EPHX4: variants seen among roughly 807,000 people sequenced by gnomAD.
EPHX4 encodes the protein epoxide hydrolase 4.
Under a neutral mutation model 44.9 loss-of-function variants are expected in EPHX4, and 31 were observed. The observed-to-expected ratio is 0.69, with a 90% CI of 0.52 to 0.93. EPHX4 has a LOEUF of 0.93. Among genes scored for constraint, EPHX4 ranks in the 40% least tolerant of loss-of-function variants. EPHX4 has a pLI of 0.00. For missense variants in EPHX4, 373 were observed against 438.1 expected, an observed-to-expected ratio of 0.85 and a Z score of 1.33; for synonymous variants, 151 against 159.7, an observed-to-expected ratio of 0.95 and a Z score of 0.41.
chr1:92,051,432 A>G (rs541236394), intron 5 of EPHX4, among the ~76,000 whole-genome samples: 5 of 152,084 alleles, frequency 3.3e-5, no homozygotes, highest in African/African-American at 7.2e-5. Flanking sequence ...AATGTATACT[A>G]GTGCCTTCTT....
Position 92,052,619 on chromosome 1 carries a change from C to A in EPHX4, c.818C>A (p.Ala273Glu). The A allele has an allele frequency of 6.2e-7, 1 of 1,611,570 alleles. No individual in the cohort carries two copies. ...ATTTATGTCTTTTCTCAGCCTGGAGCATTAAGTGGCCCAATTAACCATTAC... is the reference window on the plus strand; with the variant it reads ...ATTTATGTCTTTTCTCAGCCTGGAGAATTAAGTGGCCCAATTAACCATTAC... ...AYIYVFSQPGALSGPINHYRN... is the reference protein window; with the variant it reads ...AYIYVFSQPGELSGPINHYRN... Residue 273 changes from alanine to glutamate, a missense_variant, in exon 6 of 7, where the codon GCA becomes GAA. Transcript: ENST00000370383.
chr1:92,044,897 C>A (rs1436253865), intron 3 of EPHX4, among the ~76,000 whole-genome samples: 2 of 152,108 alleles, frequency 1.3e-5, no homozygotes, highest in African/African-American at 4.8e-5. Flanking sequence ...GTCCATGGGA[C>A]CAGAGCTGAG....
At chr1:92,034,179 A>C (rs1557881108) in intron 2 of EPHX4, among the ~76,000 whole-genome samples, 1 of 150,024 alleles carries the variant, frequency 6.7e-6, no homozygotes, top group Admixed American at 6.7e-5. Context: ...AGGCGCCTGT[A>C]CTCCCAGCTA....
In EPHX4 at chr1:92,063,270, CA is replaced by C. The variant is rs775042938; in HGVS notation, c.1075del (p.Arg359GlufsTer15). On this transcript the variant is annotated frameshift_variant, in exon 7 of 7. Transcript: ENST00000370383. LOFTEE classifies it high-confidence loss of function. ...KLIWTFLKEE[T>X]RKKD ...ATATGGACATTTCTAAAAGAAGAAA[CA>C]AGAAAAAAAGATTGACTTTTCTTTA... 2 of 1,581,312 alleles carry C rather than the reference CA, an allele frequency of 1.3e-6. No individual in the cohort carries two copies. Among genetic ancestry groups the C allele is most frequent in the Admixed American group, 3.6e-5 (2 of 56,310 alleles).
chr1:92,062,142 A>G (rs373218864), intron 6 of EPHX4, among the ~76,000 whole-genome samples: 3 of 152,192 alleles, frequency 2.0e-5, no homozygotes, highest in African/African-American at 7.2e-5. Flanking sequence ...GCTCAGTTCA[A>G]ATATAGTTTT....
At chr1:92,050,480 A>T in intron 5 of EPHX4, 60 bp downstream of exon 5, 2 of 933,548 alleles carry the variant, frequency 2.1e-6, no homozygotes, top group South Asian at 4.1e-5. Context: ...AAAATATTTT[A>T]AAGTCCACGT....
chr1:92,050,848 T>G (rs1344782839), intron 5 of EPHX4, among the ~76,000 whole-genome samples: 1 of 152,256 alleles, frequency 6.6e-6, no homozygotes, highest in Non-Finnish European at 1.5e-5. Context: ...TTTATTTTTT[T>G]GTTTTGCTTT....
chr1:92,046,325 T>C (rs1038489821), intron 4 of EPHX4, among the ~76,000 whole-genome samples: 4 of 152,356 alleles, frequency 2.6e-5, no homozygotes, highest in African/African-American at 4.8e-5. Flanking sequence ...GTTGTTTGCA[T>C]TGAAGTATGT....
Position 92,030,110 on chromosome 1 carries a change from C to T in EPHX4, c.31C>T (p.Leu11=). MARLRDCLPR[L]MLTLRSLLFW... ...GAGGCTGCGGGATTGCCTGCCCCGC[C>T]TGATGCTCACGCTCCGGTCCCTGCT... The change falls in exon 1 of 7, where the codon CTG becomes TTG. Residue 11 remains leucine (L), a synonymous_variant. Transcript: ENST00000370383. 1.2e-6 allele frequency: 2 copies of T among 1,608,542 alleles called. No individual in the cohort carries two copies. Among genetic ancestry groups the T allele is most frequent in the Non-Finnish European group, 1.7e-6 (2 of 1,177,978 alleles).
chr1:92,038,626 C>A (rs151260710), intron 2 of EPHX4, among the ~76,000 whole-genome samples: 2 of 151,798 alleles, frequency 1.3e-5, no homozygotes, highest in African/African-American at 4.8e-5. Flanking sequence ...AAGGGGCCCA[C>A]GCACCCCAGC....
chr1:92,040,342 ATTT>A (rs11316919), intron 2 of EPHX4, among the ~76,000 whole-genome samples: 49 of 121,036 alleles, frequency 4.0e-4, no homozygotes, highest in Admixed American at 4.2e-4. Flanking sequence ...TACTTAGCAA[ATTT>A]TTTTTTTTTT....
intron 4 of EPHX4, 133 bp downstream of exon 4, chr1:92,045,793 C>A: frequency 1.1e-6 from 1 of 951,216 alleles, no homozygotes; most frequent in Non-Finnish European, 1.6e-6. Flanking sequence ...CATGATAGCA[C>A]ATGACAGTGT....
At chr1:92,061,070 A>G (rs900449366) in intron 6 of EPHX4, among the ~76,000 whole-genome samples, 14 of 151,964 alleles carry the variant, frequency 9.2e-5, no homozygotes, top group South Asian at 2.1e-4. Context: ...TAATAGAGAC[A>G]GGGTTTCCCA....
At chr1:92,042,778 G>T in intron 2 of EPHX4, 45 bp from the exon 3 acceptor site, 99 of 1,171,636 alleles carry the variant, frequency 8.4e-5, no homozygotes, top group Non-Finnish European at 1.1e-4. Context: ...GTTACTGTTT[G>T]TACTAGCTAA....
rs777792858 is a variant in EPHX4 at position 92,030,304 on chromosome 1, G to T, written c.225G>T (p.Arg75=). ...CCTTGGGCACCCACTGCTACGTGCG[G>T]ATCAAGGTGAAGGGCCGCGCGGGCC... ...DPSLGTHCYV[R]IKDSGLRFHY... is the part of the protein sequence containing the mutation. Residue 75 remains arginine, a synonymous_variant, in exon 1 of 7, where the codon CGG becomes CGT. Coordinates refer to ENST00000370383, the MANE Select transcript of EPHX4 (RefSeq NM_173567.5). 2 of 1,564,284 alleles carry T rather than the reference G, an allele frequency of 1.3e-6. No individual in the cohort carries two copies. Among genetic ancestry groups the T allele is most frequent in the South Asian group, 2.3e-5 (2 of 85,490 alleles).
intron 4 of EPHX4, among the ~76,000 whole-genome samples, chr1:92,049,962 G>A (rs145365366): frequency 0.013 from 1,957 of 152,086 alleles, 13 homozygotes; most frequent in Middle Eastern, 0.027. Context: ...AGCCGGGCTC[G>A]GTGGTGGGCA....
chr1:92,037,220 T>C (rs1688451514), intron 2 of EPHX4, among the ~76,000 whole-genome samples: 1 of 151,750 alleles, frequency 6.6e-6, no homozygotes, highest in Non-Finnish European at 1.5e-5. Flanking sequence ...CAAAAAAAAA[T>C]GAATTGATAA....
chr1:92,052,399 A>C, intron 5 of EPHX4, 111 bp from the exon 6 acceptor site: 4 of 995,618 alleles, frequency 4.0e-6, no homozygotes, highest in Non-Finnish European at 5.9e-6. Flanking sequence ...CTAGAGCAGA[A>C]ATTAGGAGTT....
chr1:92,035,588 T>C (rs1442827258), intron 2 of EPHX4, among the ~76,000 whole-genome samples: 5 of 152,232 alleles, frequency 3.3e-5, no homozygotes, highest in African/African-American at 1.2e-4. Context: ...TTCTAAGCAT[T>C]TACTATGAGC....
Sources: gnomAD v4.1 joint callset for allele counts (sites outside exome capture counted in the v4.1 genomes callset) on GRCh38, gnomAD v4.1.1 for gene constraint, MANE v1.5 for transcripts, NCBI Gene and HGNC (gene_info 2026-07-23, HGNC 2026-07-21) for gene names.